The following TMPRSS6 variants were observed in gnomAD, a reference collection of about 807,000 sequenced individuals.
TMPRSS6 encodes transmembrane serine protease 6.
A neutral mutation model predicts 101.5 loss-of-function variants in TMPRSS6; 67 were observed. The ratio of observed to expected loss-of-function variants is 0.66; its 90% CI spans 0.54 to 0.81. The LOEUF is 0.81. Among genes scored for constraint, TMPRSS6 ranks in the 30% least tolerant of loss-of-function variants. The pLI is 0.00. For missense variants in TMPRSS6, 1,034 were observed against 1,088.7 expected, an observed-to-expected ratio of 0.95 and a Z score of 0.71; for synonymous variants, 453 against 464.9, an observed-to-expected ratio of 0.97 and a Z score of 0.33.
chr22:37,075,701 G>A (rs564673428), intron 10 of TMPRSS6, among the ~76,000 whole-genome samples: 3 of 152,128 alleles, frequency 2.0e-5, no homozygotes, highest in South Asian at 2.1e-4. Flanking sequence ...TCGGGAGTTC[G>A]AGACCAGACT....
At chr22:37,083,223 C>T (rs1052717831) in intron 10 of TMPRSS6, 7 of 376,004 alleles carry the variant, frequency 1.9e-5, no homozygotes, top group South Asian at 6.3e-5. Context: ...GACGCTGACA[C>T]GATGACCGTT....
At position 37,084,756 on chromosome 22, in the gene TMPRSS6, G is replaced by T. The variant is rs1340562535; in HGVS notation, c.1057C>A (p.Pro353Thr). 4 of 1,566,548 alleles carry T rather than the reference G, an allele frequency of 2.6e-6. No individual in the cohort carries two copies. Among genetic ancestry groups the T allele is most frequent in the Non-Finnish European group, 2.6e-6 (3 of 1,155,258 alleles). ...AGGTGCCAGGAGCAGTGGGTTTGGG[G>T]CGAGTAGTAGCTGGGGAAGTACGGG... The part of the protein sequence containing the change: ...STPYFPSYYS[P>T]QTHCSWHLTV... The change falls in exon 9 of 18, where the codon CCC (proline) becomes ACC (threonine). Residue 353 changes from proline to threonine, a missense_variant. Physicochemically the swap from Pro to Thr is conservative, Grantham distance 38 (BLOSUM62 -1). Coordinates refer to ENST00000676104, the MANE Select transcript of TMPRSS6 (RefSeq NM_001374504.1).
chr22:37,079,015 A>AAGAAAG (rs1387142117), intron 10 of TMPRSS6, among the ~76,000 whole-genome samples: 2 of 131,020 alleles, frequency 1.5e-5, no homozygotes, highest in Admixed American at 8.3e-5. Flanking sequence ...GAAAGAAAGA[A>AAGAAAG]AGAGAAAGAG....
At chr22:37,095,846 C>T (rs1179709199) in intron 5 of TMPRSS6, 60 bp downstream of exon 5, 6 of 1,604,618 alleles carry the variant, frequency 3.7e-6, no homozygotes, top group African/African-American at 1.3e-5. Flanking sequence ...CGGGCCACAC[C>T]ACAGCTTGTT....
intron 10 of TMPRSS6, chr22:37,082,563 G>T (rs1216994026): frequency 5.6e-6 from 1 of 177,900 alleles, no homozygotes; most frequent in Admixed American, 5.4e-5. Flanking sequence ...GCCTAGGTGA[G>T]TAGCAAGGAG....
chr22:37,109,579 C>G lies in TMPRSS6; in HGVS notation c.-78G>C, dbSNP rs1930944171. On this transcript the variant is annotated 5_prime_UTR_variant, in exon 1 of 18. Coordinates refer to ENST00000676104, the MANE Select transcript of TMPRSS6 (RefSeq NM_001374504.1). ...CTGTTTGTCCAGGCCAAGGCCTCCCCACCCCCACCCAGCCAGCCCAGGCTG... is the reference window on the plus strand; with the variant it reads ...CTGTTTGTCCAGGCCAAGGCCTCCCGACCCCCACCCAGCCAGCCCAGGCTG... 1 of 152,426 alleles carries G rather than the reference C, an allele frequency of 6.6e-6. No individual in the cohort carries two copies. Among genetic ancestry groups the G allele is most frequent in the African/African-American group, 2.4e-5 (1 of 41,464 alleles). The allele number at this position is 152,426 out of a possible 1,614,324, so 9.4% of individuals were successfully genotyped here.
chr22:37,066,198 C>T lies in TMPRSS6; in HGVS notation c.2291G>A (p.Gly764Asp). The change falls in exon 18 of 18, where the codon GGC becomes GAC. Residue 764 changes from glycine to aspartate, a missense_variant. By Grantham distance (94) the Gly-to-Asp change is moderately conservative. Coordinates refer to ENST00000676104, the MANE Select transcript of TMPRSS6 (RefSeq NM_001374504.1). ...GGPLVCKALS[G>D]RWFLAGLVSW... ...GACCAGCCCCGCCAGGAACCAGCGGCCACTGAGTGCCTTGCACACCAGCGG... is the reference window on the plus strand; with the variant it reads ...GACCAGCCCCGCCAGGAACCAGCGGTCACTGAGTGCCTTGCACACCAGCGG... 1 of 1,613,022 alleles carries T rather than the reference C, an allele frequency of 6.2e-7. No individual in the cohort carries two copies. The highest frequency in any genetic ancestry group is 1.1e-5 in the South Asian group (1 of 91,060).
intron 6 of TMPRSS6, among the ~76,000 whole-genome samples, chr22:37,090,480 G>C (rs1601555194): frequency 6.6e-6 from 1 of 152,190 alleles, no homozygotes; most frequent in East Asian, 1.9e-4. Flanking sequence ...AGGCTGCCCT[G>C]GGGGGAGGAC....
Position 37,067,235 on chromosome 22 carries a change from C to T in TMPRSS6, c.2114-273G>A, listed in dbSNP as rs1601512003. Reference sequence around the variant, plus strand: ...CCTGTAATCCCAGCACTTTGGGAGGCTGAGGCGGACGGAACACCTGAGGTC... The same window carrying T: ...CCTGTAATCCCAGCACTTTGGGAGGTTGAGGCGGACGGAACACCTGAGGTC... On this transcript the variant is annotated intron_variant, in intron 16 of 17. Transcript: ENST00000676104. Among the ~76,000 whole-genome samples, 4 of 152,286 alleles carry T rather than the reference C, an allele frequency of 2.6e-5. No individual in the cohort carries two copies. In the South Asian group the frequency reaches 8.3e-4, roughly 32 times the overall value.
At chr22:37,096,127 T>C (rs1929743293) in intron 4 of TMPRSS6, 37 bp from the exon 5 acceptor site, 2 of 1,611,428 alleles carry the variant, frequency 1.2e-6, no homozygotes, top group African/African-American at 1.3e-5. Context: ...CAGGGAAGGA[T>C]TCTGAGGTCT....
intron 1 of TMPRSS6, among the ~76,000 whole-genome samples, chr22:37,105,314 C>T (rs1930644467): frequency 6.6e-6 from 1 of 152,182 alleles, no homozygotes; most frequent in Non-Finnish European, 1.5e-5. Context: ...TGGAGTGGGC[C>T]CTACTGGCTT....
At chr22:37,095,695 C>T in intron 5 of TMPRSS6, 103 bp from the exon 6 acceptor site, 1 of 1,353,730 alleles carries the variant, frequency 7.4e-7, no homozygotes, top group East Asian at 2.5e-5. Flanking sequence ...TGGAGCCAGC[C>T]TTGTCTGAGA....
chr22:37,074,989 G>A, intron 11 of TMPRSS6, 146 bp downstream of exon 11: 3 of 1,408,460 alleles, frequency 2.1e-6, no homozygotes, highest in Non-Finnish European at 3.0e-6. Context: ...GCATAAATTT[G>A]TGCAAGCACA....
chr22:37,096,546 A>G, intron 4 of TMPRSS6, 102 bp downstream of exon 4: 2 of 1,326,546 alleles, frequency 1.5e-6, no homozygotes, highest in Admixed American at 2.0e-5. Context: ...TAGTTTCCCC[A>G]TTTGAAACAT....
intron 10 of TMPRSS6, among the ~76,000 whole-genome samples, chr22:37,075,981 GAA>G (rs950219270): frequency 6.9e-6 from 1 of 143,978 alleles, no homozygotes; most frequent in African/African-American, 2.7e-5. Context: ...GAAAAAGAAA[GAA>G]AGAAAGAGAA....
At chr22:37,083,215 C>T (rs565711987) in intron 10 of TMPRSS6, 10 of 380,992 alleles carry the variant, frequency 2.6e-5, no homozygotes, top group South Asian at 1.2e-4. Context: ...TCTTTCCTGA[C>T]GCTGACACGA....
In TMPRSS6 at chr22:37,068,615, C is replaced by G. The variant is rs80252000; in HGVS notation, c.2113+458G>C. 2,288 of 779,672 alleles carry G rather than the reference C, an allele frequency of 2.9e-3. 29 individuals carry two copies. The African/African-American group carries it at 0.035, about 12-fold the overall frequency. The allele number at this position is 779,672 out of a possible 1,614,324, so 48.3% of individuals were successfully genotyped here. A position where few individuals can be genotyped will look rare whatever the true frequency, so the allele number is the denominator to read the frequency against. On this transcript the variant is annotated intron_variant, in intron 16 of 17. Transcript: ENST00000676104. ...CAGTCCTCTCTGGCTGTGTGACTTA[C>G]AGCAACATGTCTCTGAGCCTTGGTT...
chr22:37,092,688 G>A (rs925922511), intron 6 of TMPRSS6, among the ~76,000 whole-genome samples: 44 of 152,310 alleles, frequency 2.9e-4, no homozygotes, highest in African/African-American at 1.1e-3. Flanking sequence ...TAGAGATGGG[G>A]TTTTGCCATG....
At chr22:37,091,118 G>A (rs927970189) in intron 6 of TMPRSS6, among the ~76,000 whole-genome samples, 3 of 151,672 alleles carry the variant, frequency 2.0e-5, no homozygotes, top group African/African-American at 7.3e-5. Context: ...ATTCAAAACA[G>A]TGACTGTGCA....
Sources: allele counts gnomAD v4.1 joint callset (sites outside exome capture counted in the v4.1 genomes callset), GRCh38; gene constraint gnomAD v4.1.1; transcripts MANE v1.5; gene names NCBI Gene and HGNC (gene_info 2026-07-23, HGNC 2026-07-21).